Variants in KDM4C observed in about 807,000 individuals in gnomAD.
KDM4C encodes the protein lysine-specific demethylase 4C.
In KDM4C, 81 loss-of-function variants were observed where a neutral mutation model predicts 129.3. That is an observed-to-expected ratio of 0.63 (90% CI 0.52 to 0.75). KDM4C has a LOEUF of 0.75. Ranked by LOEUF, KDM4C falls within the 30% of genes least tolerant of loss-of-function variation. The pLI is 0.00. For synonymous variants in KDM4C, 573 were observed against 456.1 expected (o/e 1.26, Z -3.26); for missense variants, 1,457 against 1,304.0 (o/e 1.12, Z -1.81).
intron 2 of KDM4C, among the ~76,000 whole-genome samples, chr9:6,794,514 C>T (rs907367138): frequency 5.3e-5 from 8 of 152,098 alleles, no homozygotes; most frequent in African/African-American, 1.9e-4. Context: ...CTTTCTTTTG[C>T]TATTTTTGGG....
At chr9:7,164,726 G>T (rs193279408) in intron 19 of KDM4C, among the ~76,000 whole-genome samples, 1 of 152,266 alleles carries the variant, frequency 6.6e-6, no homozygotes, top group African/African-American at 2.4e-5. Flanking sequence ...GTCTCCCATA[G>T]CTTCACTCCT....
At chr9:7,069,820 A>G (rs1832950912) in intron 17 of KDM4C, among the ~76,000 whole-genome samples, 1 of 152,234 alleles carries the variant, frequency 6.6e-6, no homozygotes, top group African/African-American at 2.4e-5. Flanking sequence ...ACATGTGAAA[A>G]TAAAGTGTGT....
intron 3 of KDM4C, among the ~76,000 whole-genome samples, chr9:6,808,642 A>T (rs1032644002): frequency 1.4e-5 from 2 of 145,372 alleles, no homozygotes; most frequent in African/African-American, 2.6e-5. Context: ...CTATTGTCCC[A>T]TGACCCTGCC....
At chr9:6,765,274 C>A (rs1046162968) in intron 1 of KDM4C, among the ~76,000 whole-genome samples, 1 of 152,122 alleles carries the variant, frequency 6.6e-6, no homozygotes, top group African/African-American at 2.4e-5. Context: ...CTGTATACAA[C>A]CTTCCTGAAT....
intron 8 of KDM4C, among the ~76,000 whole-genome samples, chr9:6,940,917 C>T (rs1351783139): frequency 6.6e-6 from 1 of 152,162 alleles, no homozygotes; most frequent in African/African-American, 2.4e-5. Context: ...TTCTTTTTGG[C>T]TGCTCTACAT....
chr9:6,921,094 G>A (rs570918294), intron 8 of KDM4C, among the ~76,000 whole-genome samples: 4 of 151,778 alleles, frequency 2.6e-5, no homozygotes, highest in East Asian at 1.9e-4. Context: ...TTCCCTTCTC[G>A]GTCAGTTTTG....
At chr9:6,862,860 A>G (rs1390116432) in intron 5 of KDM4C, among the ~76,000 whole-genome samples, 3 of 152,150 alleles carry the variant, frequency 2.0e-5, no homozygotes, top group Non-Finnish European at 4.4e-5. Context: ...AAAAAATTCA[A>G]TCATAGGAAA....
chr9:6,855,064 T>A (rs1839554871), intron 5 of KDM4C, among the ~76,000 whole-genome samples: 1 of 152,216 alleles, frequency 6.6e-6, no homozygotes, highest in South Asian at 2.1e-4. Context: ...TCAATAGATG[T>A]TAACGTTTCA....
chr9:6,923,314 T>A (rs975166782), intron 8 of KDM4C, among the ~76,000 whole-genome samples: 1 of 152,194 alleles, frequency 6.6e-6, no homozygotes, highest in African/African-American at 2.4e-5. Flanking sequence ...CTATTGTGAC[T>A]AATAATTGCA....
At chr9:7,113,190 C>G (rs1221794812) in intron 18 of KDM4C, among the ~76,000 whole-genome samples, 1 of 152,122 alleles carries the variant, frequency 6.6e-6, no homozygotes, top group Admixed American at 6.5e-5. Flanking sequence ...GATCGATATT[C>G]CTAAATCTAA....
At chr9:6,725,922 T>TCTTTCTTTA (rs1817110813) in intron 1 of KDM4C, among the ~76,000 whole-genome samples, 1 of 131,886 alleles carries the variant, frequency 7.6e-6, no homozygotes, top group Non-Finnish European at 1.6e-5. Context: ...TCTTTTCTTT[T>TCTTTCTTTA]CTTTCTTTAT....
intron 15 of KDM4C, among the ~76,000 whole-genome samples, chr9:7,024,144 G>A (rs1040243029): frequency 1.3e-5 from 2 of 152,064 alleles, no homozygotes; most frequent in African/African-American, 2.4e-5. Flanking sequence ...CTGTTAGGTC[G>A]ATTTGGTCTG....
chr9:7,088,108 C>T (rs75517560), intron 17 of KDM4C, among the ~76,000 whole-genome samples: 59 of 152,306 alleles, frequency 3.9e-4, no homozygotes, highest in African/African-American at 1.4e-3. Flanking sequence ...TCTGATTCCT[C>T]GTGATTTTGG....
intron 18 of KDM4C, among the ~76,000 whole-genome samples, chr9:7,110,575 C>T (rs1339354533): frequency 6.6e-6 from 1 of 152,140 alleles, no homozygotes; most frequent in Non-Finnish European, 1.5e-5. Context: ...GGGCCTACCA[C>T]CTCCTCATCC....
rs1845121031 is a variant in KDM4C, at chr9:7,173,092, T to C, written c.2995-1461T>C. Among the ~76,000 whole-genome samples, 3 of 152,354 alleles carry C rather than the reference T, an allele frequency of 2.0e-5. No individual in the cohort carries two copies. The South Asian group carries it at 6.2e-4, about 32-fold the overall frequency. ...TGTGGGGAACACATGTAAAATTGGG[T>C]ACACAGTCCCTAATATCCTCACCTT... On this transcript the variant is annotated intron_variant, in intron 21 of 21. Coordinates refer to ENST00000381309, the MANE Select transcript of KDM4C (RefSeq NM_015061.6).
chr9:6,843,918 A>G (rs982791419), intron 4 of KDM4C, among the ~76,000 whole-genome samples: 1 of 152,064 alleles, frequency 6.6e-6, no homozygotes, highest in Non-Finnish European at 1.5e-5. Flanking sequence ...TGGCACAATC[A>G]TGACTCACTG....
At chr9:6,950,845 C>G (rs772584204) in intron 8 of KDM4C, among the ~76,000 whole-genome samples, 5 of 152,166 alleles carry the variant, frequency 3.3e-5, no homozygotes, top group Non-Finnish European at 7.4e-5. Context: ...ACTGCTCTAC[C>G]AAAAAGCTGT....
intron 15 of KDM4C, among the ~76,000 whole-genome samples, chr9:7,041,465 A>T (rs1008133587): frequency 4.6e-5 from 7 of 151,532 alleles, no homozygotes; most frequent in African/African-American, 1.7e-4. Flanking sequence ...TTAAACTTTT[A>T]CTCTGCCAAT....
At chr9:7,067,268 T>TG (rs1253961929) in intron 17 of KDM4C, among the ~76,000 whole-genome samples, 1 of 152,228 alleles carries the variant, frequency 6.6e-6, no homozygotes, top group Non-Finnish European at 1.5e-5. Flanking sequence ...CAGGCTGATA[T>TG]GGGGGACCCC....
Sources: allele counts gnomAD v4.1 joint callset (sites outside exome capture counted in the v4.1 genomes callset), GRCh38; gene constraint gnomAD v4.1.1; transcripts MANE v1.5; gene names NCBI Gene and HGNC (gene_info 2026-07-23, HGNC 2026-07-21).